The following KDM3B variants were observed in gnomAD, a reference collection of about 807,000 sequenced individuals.
The protein encoded by KDM3B is lysine-specific demethylase 3B.
In KDM3B, 10 loss-of-function variants were observed where a neutral mutation model predicts 170.0. The observed-to-expected ratio is 0.06, with a 90% CI of 0.04 to 0.10. The LOEUF (loss-of-function observed/expected upper bound fraction) is 0.10, where lower values mean the gene tolerates loss of function less well. KDM3B is among the 10% of genes least tolerant of loss of function. KDM3B has a pLI of 1.00. For synonymous variants in KDM3B, 831 were observed against 834.8 expected, an observed-to-expected ratio of 1.00 and a Z score of 0.08; for missense variants, 1,394 against 2,195.2, an observed-to-expected ratio of 0.64 and a Z score of 7.29.
At position 138,425,495 on chromosome 5, in the gene KDM3B, G is replaced by T; in HGVS notation, c.4324G>T (p.Asp1442Tyr). 1 of 1,614,172 alleles carries T rather than the reference G, an allele frequency of 6.2e-7. No individual in the cohort carries two copies. The highest frequency in any genetic ancestry group is 1.1e-5 in the South Asian group (1 of 91,084). Residue 1442 changes from aspartate to tyrosine, a missense_variant, in exon 17 of 24, where the codon GAT becomes TAT. Physicochemically the swap from Asp to Tyr is radical, Grantham distance 160 (BLOSUM62 -3). Coordinates refer to ENST00000314358, the MANE Select transcript of KDM3B (RefSeq NM_016604.4). ...EAFSQEFGDQ[D>Y]VDLVNCRNCA... ...CTTTAGCCAGGAATTTGGAGACCAGGATGTAGACTTGGTGAACTGCAGGAA... is the reference window on the plus strand; with the variant it reads ...CTTTAGCCAGGAATTTGGAGACCAGTATGTAGACTTGGTGAACTGCAGGAA...
intron 11 of KDM3B, among the ~76,000 whole-genome samples, chr5:138,406,098 A>G (rs1762812744): frequency 6.6e-6 from 1 of 152,234 alleles, no homozygotes; most frequent in Non-Finnish European, 1.5e-5. Flanking sequence ...TGCAATCCCA[A>G]CACTTTGAGA....
chr5:138,419,879 TTTTG>T (rs1339906467), intron 14 of KDM3B, among the ~76,000 whole-genome samples: 3 of 151,452 alleles, frequency 2.0e-5, no homozygotes, highest in East Asian at 3.9e-4. Context: ...AAGGGGTTTT[TTTTG>T]TTTGTTTGTT....
intron 5 of KDM3B, among the ~76,000 whole-genome samples, chr5:138,380,076 C>T (rs1271816958): frequency 1.3e-5 from 2 of 152,040 alleles, no homozygotes; most frequent in East Asian, 1.9e-4. Context: ...CAACATTTGC[C>T]TCTCGGGCTC....
intron 9 of KDM3B, 59 bp downstream of exon 9, chr5:138,393,431 C>T (rs1440677232): frequency 9.6e-6 from 13 of 1,348,066 alleles, no homozygotes; most frequent in Non-Finnish European, 8.3e-6. Flanking sequence ...ATAACTTCCA[C>T]TCTTTCTCTG....
Position 138,381,496 on chromosome 5 carries a change from TTTTTCCC to T in KDM3B, c.706-19_706-13del. The T allele has an allele frequency of 6.9e-7, 1 of 1,449,636 alleles. No individual in the cohort carries two copies. The highest frequency in any genetic ancestry group is 9.7e-7 in the Non-Finnish European group (1 of 1,029,940). The allele number at this position is 1,449,636 out of a possible 1,614,324, so 89.8% of individuals were successfully genotyped here. On this transcript the variant is annotated splice_polypyrimidine_tract_variant and intron_variant, in intron 5 of 23. Transcript: ENST00000314358. ...CTTTATGGACAAGGCATTAAATATC[TTTTTCCC>T]CTCCTACTGTAGAGTGGTGAGATCA...
At position 138,358,306 on chromosome 5, in the gene KDM3B, C is replaced by CT. The variant is rs71306181; in HGVS notation, c.192+5335dup. 1.1e-3 allele frequency among the ~76,000 whole-genome samples: 123 copies of CT among 108,258 alleles called. 1 individual carries two copies. Among genetic ancestry groups the CT allele is most frequent in the East Asian group, 3.1e-3 (11 of 3,556 alleles). The allele number at this position is 108,258 out of a possible 152,430, so 71.0% of individuals were successfully genotyped here. ...GGGAATTTTTTTTCTTTCTTTCTTT[C>CT]TTTTTTTTTTTTTTTTGAGACGGAG... On this transcript the variant is annotated intron_variant, in intron 1 of 23. Transcript: ENST00000314358.
chr5:138,376,858 A>G (rs937316062), intron 3 of KDM3B, among the ~76,000 whole-genome samples: 2 of 152,112 alleles, frequency 1.3e-5, no homozygotes, highest in African/African-American at 4.8e-5. Context: ...AAGAAAAGGG[A>G]CAAGTTAATA....
At chr5:138,409,805 C>G (rs564050656) in intron 11 of KDM3B, among the ~76,000 whole-genome samples, 1 of 152,088 alleles carries the variant, frequency 6.6e-6, no homozygotes, top group Non-Finnish European at 1.5e-5. Context: ...AAAAATAGGC[C>G]GAGCGCCGTG....
intron 15 of KDM3B, among the ~76,000 whole-genome samples, chr5:138,421,674 A>G (rs1473078553): frequency 1.3e-5 from 2 of 152,290 alleles, no homozygotes; most frequent in South Asian, 2.1e-4. Flanking sequence ...ATGTCATCCC[A>G]TGGGAGGCTT....
chr5:138,433,214 C>T (rs1259225465), intron 23 of KDM3B, among the ~76,000 whole-genome samples: 1 of 151,530 alleles, frequency 6.6e-6, no homozygotes, highest in African/African-American at 2.4e-5. Flanking sequence ...TGGGTTCAAG[C>T]AATTCTCCTG....
intron 23 of KDM3B, among the ~76,000 whole-genome samples, chr5:138,432,111 T>C (rs1466607903): frequency 1.3e-5 from 2 of 152,144 alleles, no homozygotes; most frequent in Non-Finnish European, 2.9e-5. Flanking sequence ...TTCAGAGTTA[T>C]AGTATTACAA....
Position 138,352,825 on chromosome 5 carries a change from C to G in KDM3B, c.30C>G (p.Gly10=). The change falls in exon 1 of 24, where the codon GGC becomes GGG. Residue 10 remains glycine (G), a synonymous_variant. Transcript: ENST00000314358. ...CGGACGCGGCGGCCTCCCCGGTGGGCAAGCGGCTGCTGCTGCTGTTCGCGG... is the reference window on the plus strand; with the variant it reads ...CGGACGCGGCGGCCTCCCCGGTGGGGAAGCGGCTGCTGCTGCTGTTCGCGG... MADAAASPV[G]KRLLLLFADT... The G allele has an allele frequency of 7.5e-7, 1 of 1,340,668 alleles. No homozygotes were observed. Among genetic ancestry groups the G allele is most frequent in the Non-Finnish European group, 9.6e-7 (1 of 1,043,144 alleles). 83.0% of individuals were successfully genotyped at this position (1,340,668 alleles called of 1,614,324 possible).
chr5:138,430,160 C>T lies in KDM3B; in HGVS notation c.4894-89C>T, dbSNP rs576696503. ...CTAGAATAAAGTTTTGCCATCCCCA[C>T]CCCATCTTAGGACATTGCTGCAGCA... On this transcript the variant is annotated intron_variant, in intron 21 of 23. Transcript: ENST00000314358. 6.3e-5 allele frequency: 92 copies of T among 1,460,236 alleles called. No homozygotes were observed. In the African/African-American group the frequency reaches 1.1e-3, roughly 18 times the overall value. 90.5% of individuals were successfully genotyped at this position (1,460,236 alleles called of 1,614,324 possible).
intron 6 of KDM3B, among the ~76,000 whole-genome samples, chr5:138,384,940 G>A (rs950115906): frequency 6.6e-5 from 10 of 150,950 alleles, no homozygotes; most frequent in Non-Finnish European, 1.0e-4. Context: ...AGGAAAGAAA[G>A]GTTTAGAAAC....
intron 7 of KDM3B, among the ~76,000 whole-genome samples, chr5:138,388,635 C>T (rs1191563410): frequency 1.7e-5 from 2 of 120,332 alleles, no homozygotes; most frequent in East Asian, 2.6e-4. Flanking sequence ...AGCGAGACTC[C>T]GTCTTTAAAA....
intron 7 of KDM3B, 27 bp downstream of exon 7, chr5:138,386,648 A>C: frequency 6.3e-7 from 1 of 1,593,972 alleles, no homozygotes; most frequent in Non-Finnish European, 8.6e-7. Context: ...GCAGATTTGC[A>C]AGATTTGGGT....
chr5:138,423,846 T>A (rs1175553284), intron 15 of KDM3B, among the ~76,000 whole-genome samples: 1 of 152,202 alleles, frequency 6.6e-6, no homozygotes, highest in Non-Finnish European at 1.5e-5. Flanking sequence ...GCAAAAGGGA[T>A]CTTTCTATAC....
chr5:138,424,011 GT>G (rs1005831944), intron 15 of KDM3B, 63 bp from the exon 16 acceptor site: 2 of 1,474,718 alleles, frequency 1.4e-6, no homozygotes. Context: ...TTGTGAGACA[GT>G]TTTTTGAATG....
chr5:138,421,383 G>A (rs951866142), intron 15 of KDM3B, among the ~76,000 whole-genome samples: 4 of 152,164 alleles, frequency 2.6e-5, no homozygotes, highest in African/African-American at 9.7e-5. Flanking sequence ...CTGGTTGGTG[G>A]CATCTCTGCC....
Sources: allele counts gnomAD v4.1 joint callset (sites outside exome capture counted in the v4.1 genomes callset), GRCh38; gene constraint gnomAD v4.1.1; transcripts MANE v1.5; gene names NCBI Gene and HGNC (gene_info 2026-07-23, HGNC 2026-07-21).